The following TMA16 variants were observed in gnomAD, a reference collection of about 807,000 sequenced individuals.
TMA16 encodes the protein translation machinery-associated protein 16.
A neutral mutation model predicts 27.1 loss-of-function variants in TMA16; 26 were observed. The ratio of observed to expected loss-of-function variants is 0.96; its 90% CI spans 0.70 to 1.33. TMA16 has a LOEUF of 1.33. Ranked by LOEUF, TMA16 falls within the 40% of genes most tolerant of loss-of-function variation. TMA16 has a pLI of 0.00. For synonymous variants in TMA16, 71 were observed against 81.9 expected (o/e 0.87, Z 0.72); for missense variants, 233 against 241.4 (o/e 0.97, Z 0.23).
At chr4:163,511,383 G>C (rs768007314) in intron 2 of TMA16, among the ~76,000 whole-genome samples, 2 of 151,922 alleles carry the variant, frequency 1.3e-5, no homozygotes, top group Non-Finnish European at 2.9e-5. Flanking sequence ...GAATCTGTCC[G>C]AATCTTTTGC....
Position 163,510,612 on chromosome 4 carries a change from ATATCCATTCACTGGATATGCACCTTGCT to A in TMA16, c.117-2196_117-2169del, listed in dbSNP as rs1737779538. 2.0e-5 allele frequency among the ~76,000 whole-genome samples: 3 copies of A among 152,236 alleles called. No homozygotes were observed. In the South Asian group the frequency reaches 6.2e-4, roughly 32 times the overall value. ...TATTCCATCCTCAGGCAATTTATTTATATCCATTCACTGGATATGCACCTTGCTTATCCATTCACTGTCTATGTTCGTT... is the reference window on the plus strand; with the variant it reads ...TATTCCATCCTCAGGCAATTTATTTATATCCATTCACTGTCTATGTTCGTT... On this transcript the variant is annotated intron_variant, in intron 2 of 6. Transcript: ENST00000358572.
chr4:163,497,166 G>A (rs1488692994), intron 1 of TMA16, among the ~76,000 whole-genome samples: 1 of 152,184 alleles, frequency 6.6e-6, no homozygotes, highest in Non-Finnish European at 1.5e-5. Flanking sequence ...TAATGGTAGA[G>A]ATTGTGTGTT....
At chr4:163,508,430 A>C (rs764454986) in intron 2 of TMA16, among the ~76,000 whole-genome samples, 4 of 152,134 alleles carry the variant, frequency 2.6e-5, no homozygotes, top group Non-Finnish European at 5.9e-5. Context: ...ATTTTCCCTT[A>C]AGTACCATTT....
chr4:163,515,499 A>C (rs755696638), intron 5 of TMA16, 38 bp downstream of exon 5: 1 of 1,551,240 alleles, frequency 6.4e-7, no homozygotes, highest in Non-Finnish European at 8.7e-7. Context: ...TTTATATGAC[A>C]TAGCAGTATC....
At position 163,507,079 on chromosome 4, in the gene TMA16, T is replaced by C. The variant is rs1444711893; in HGVS notation, c.50T>C (p.Ile17Thr). 5.6e-6 allele frequency: 9 copies of C among 1,595,636 alleles called. No individual in the cohort carries two copies. The highest frequency in any genetic ancestry group is 6.0e-6 in the Non-Finnish European group (7 of 1,170,266). The stretch of plus-strand genomic sequence containing the variant: ...AGTGCAGGACGGGAAAAAAAAGTCA[T>C]CCATCCATATAGTAGAAAAGCAGCT... ...GKSAGREKKV[I>T]HPYSRKAAQI... Residue 17 changes from isoleucine to threonine, a missense_variant, in exon 2 of 7, where the codon ATC (isoleucine) becomes ACC (threonine). By Grantham distance (89) the Ile-to-Thr change is moderately conservative. Coordinates refer to ENST00000358572, the MANE Select transcript of TMA16 (RefSeq NM_018352.3).
At chr4:163,515,017 T>C (rs565115612) in intron 4 of TMA16, among the ~76,000 whole-genome samples, 1 of 152,002 alleles carries the variant, frequency 6.6e-6, no homozygotes, top group Non-Finnish European at 1.5e-5. Flanking sequence ...GACAGGGTGA[T>C]GACAAGTTCA....
chr4:163,500,347 A>T (rs540500730), intron 1 of TMA16, among the ~76,000 whole-genome samples: 1 of 151,594 alleles, frequency 6.6e-6, no homozygotes, highest in East Asian at 1.9e-4. Flanking sequence ...AATAGCTGGG[A>T]TTATAAGCGT....
intron 1 of TMA16, among the ~76,000 whole-genome samples, chr4:163,500,771 A>T (rs1281476805): frequency 2.6e-5 from 4 of 152,186 alleles, no homozygotes; most frequent in African/African-American, 9.7e-5. Flanking sequence ...TTAGGTAGAA[A>T]TACAGTAAAC....
intron 4 of TMA16, among the ~76,000 whole-genome samples, chr4:163,514,931 G>C (rs573082719): frequency 3.3e-5 from 5 of 152,090 alleles, no homozygotes; most frequent in Non-Finnish European, 5.9e-5. Context: ...GAAGCCATCA[G>C]ATTCCTCGTC....
chr4:163,500,035 A>G (rs1166567127), intron 1 of TMA16, among the ~76,000 whole-genome samples: 1 of 152,140 alleles, frequency 6.6e-6, no homozygotes, highest in Non-Finnish European at 1.5e-5. Flanking sequence ...CATCTGCTTT[A>G]TGTTCAGCAC....
At chr4:163,512,689 T>C in intron 2 of TMA16, 133 bp from the exon 3 acceptor site, 1 of 571,010 alleles carries the variant, frequency 1.8e-6, no homozygotes, top group Non-Finnish European at 3.1e-6. Context: ...TTAACAAAAT[T>C]ATTCTCAAAT....
At chr4:163,510,569 T>C (rs1268147680) in intron 2 of TMA16, among the ~76,000 whole-genome samples, 3 of 152,248 alleles carry the variant, frequency 2.0e-5, no homozygotes, top group African/African-American at 7.2e-5. Context: ...AGTTGTTCTT[T>C]CCTTTTATTG....
At chr4:163,513,438 G>A (rs75158644) in intron 3 of TMA16, among the ~76,000 whole-genome samples, 1 of 151,970 alleles carries the variant, frequency 6.6e-6, no homozygotes, top group Non-Finnish European at 1.5e-5. Context: ...GATTTTTTTT[G>A]ATCTGTAATC....
intron 2 of TMA16, among the ~76,000 whole-genome samples, chr4:163,508,667 G>T (rs1737750358): frequency 6.6e-6 from 1 of 152,110 alleles, no homozygotes; most frequent in Middle Eastern, 3.2e-3. Context: ...ATTAAAGATT[G>T]TTTAATTCTG....
chr4:163,503,481 T>A (rs1737676339), intron 1 of TMA16, among the ~76,000 whole-genome samples: 1 of 152,210 alleles, frequency 6.6e-6, no homozygotes, highest in Non-Finnish European at 1.5e-5. Context: ...TAGGCAAAGT[T>A]CCTTTTTGTT....
At position 163,499,042 on chromosome 4, in the gene TMA16, C is replaced by G. The variant is rs186927236; in HGVS notation, c.3+4238C>G. On this transcript the variant is annotated intron_variant, in intron 1 of 6. Coordinates refer to ENST00000358572, the MANE Select transcript of TMA16 (RefSeq NM_018352.3). Reference sequence around the variant, plus strand: ...CTATAAGATTACTAATACACCCACACCCCCACTAATGCAATGTGAATAATT... The same window carrying G: ...CTATAAGATTACTAATACACCCACAGCCCCACTAATGCAATGTGAATAATT... Among the ~76,000 whole-genome samples, 5 of 152,270 alleles carry G rather than the reference C, an allele frequency of 3.3e-5. No homozygotes were observed. The East Asian group carries it at 9.6e-4, about 29-fold the overall frequency.
At chr4:163,509,908 C>G (rs1203581286) in intron 2 of TMA16, among the ~76,000 whole-genome samples, 1 of 152,164 alleles carries the variant, frequency 6.6e-6, no homozygotes, top group Non-Finnish European at 1.5e-5. Context: ...GGAAACTAAG[C>G]ATGATGGGTA....
intron 3 of TMA16, among the ~76,000 whole-genome samples, chr4:163,513,631 G>T (rs575154812): frequency 9.2e-4 from 140 of 152,120 alleles, no homozygotes; most frequent in African/African-American, 3.3e-3. Context: ...CTACAAATGG[G>T]GGTAATAATA....
At chr4:163,500,075 A>T (rs751731770) in intron 1 of TMA16, among the ~76,000 whole-genome samples, 1 of 152,138 alleles carries the variant, frequency 6.6e-6, no homozygotes, top group Non-Finnish European at 1.5e-5. Context: ...AGTAGTGACT[A>T]TTTTCTAAAT....
Sources: allele counts gnomAD v4.1 joint callset (sites outside exome capture counted in the v4.1 genomes callset), GRCh38; gene constraint gnomAD v4.1.1; transcripts MANE v1.5; gene names NCBI Gene and HGNC (gene_info 2026-07-23, HGNC 2026-07-21).